CHRM3: variants seen among roughly 807,000 people sequenced by gnomAD.
CHRM3 encodes the protein muscarinic acetylcholine receptor M3.
Under a neutral mutation model 41.8 loss-of-function variants are expected in CHRM3, and 11 were observed. That is an observed-to-expected ratio of 0.26 (90% confidence interval 0.17 to 0.44). The LOEUF (loss-of-function observed/expected upper bound fraction) is 0.44, where lower values mean the gene tolerates loss of function less well. Among genes scored for constraint, CHRM3 ranks in the 20% least tolerant of loss-of-function variants. The pLI, the probability that CHRM3 is intolerant of heterozygous loss-of-function variation, is 1.00. For synonymous variants in CHRM3, 297 were observed against 301.4 expected (o/e 0.99, Z 0.15); for missense variants, 571 against 745.4 (o/e 0.77, Z 2.72).
At chr1:239,543,259 C>A (rs1558305164) in intron 2 of CHRM3, among the ~76,000 whole-genome samples, 1 of 152,276 alleles carries the variant, frequency 6.6e-6, no homozygotes, top group East Asian at 1.9e-4. Context: ...GTGGGCCCGA[C>A]ATGAAGTGTG....
chr1:239,717,040 T>C (rs897966153), intron 5 of CHRM3, among the ~76,000 whole-genome samples: 1 of 124,942 alleles, frequency 8.0e-6, no homozygotes, highest in Non-Finnish European at 1.9e-5. Context: ...TCTCAATCAC[T>C]TCCAGTTTTT....
At chr1:239,392,816 G>A (rs575350920) in intron 1 of CHRM3, among the ~76,000 whole-genome samples, 25 of 152,270 alleles carry the variant, frequency 1.6e-4, no homozygotes, top group African/African-American at 6.0e-4. Context: ...TTTAAGACTT[G>A]TCACTTTGGA....
intron 5 of CHRM3, among the ~76,000 whole-genome samples, chr1:239,771,644 G>A (rs1558107448): frequency 6.6e-6 from 1 of 152,164 alleles, no homozygotes. Context: ...CTGTATAGGG[G>A]CAGATAGTAT....
chr1:239,888,430 A>G (rs1429013522), intron 6 of CHRM3, among the ~76,000 whole-genome samples: 1 of 151,890 alleles, frequency 6.6e-6, no homozygotes, highest in Non-Finnish European at 1.5e-5. Context: ...GTCACTCAAA[A>G]AACATTTTTA....
chr1:239,804,413 C>T (rs661244), intron 5 of CHRM3, among the ~76,000 whole-genome samples: 146,328 of 152,024 alleles, frequency 0.96, 70,691 homozygotes, highest in East Asian at 1. Flanking sequence ...AGAACTGTGG[C>T]AGGGTTTTGT....
chr1:239,619,206 C>A (rs912663134), intron 3 of CHRM3, among the ~76,000 whole-genome samples: 1 of 152,036 alleles, frequency 6.6e-6, no homozygotes, highest in African/African-American at 2.4e-5. Flanking sequence ...TGAGCCACTG[C>A]GCCTGACCTC....
At chr1:239,533,498 G>T (rs1657865481) in intron 2 of CHRM3, among the ~76,000 whole-genome samples, 1 of 151,726 alleles carries the variant, frequency 6.6e-6, no homozygotes, top group Non-Finnish European at 1.5e-5. Flanking sequence ...CGCTTTGGGA[G>T]GCCGAGATGG....
intron 6 of CHRM3, among the ~76,000 whole-genome samples, chr1:239,897,553 A>G (rs1383521685): frequency 6.6e-6 from 1 of 152,250 alleles, no homozygotes; most frequent in African/African-American, 2.4e-5. Flanking sequence ...AAAAACACAT[A>G]ATAATAAATA....
chr1:239,427,401 CTG>C (rs1423607689), intron 1 of CHRM3, among the ~76,000 whole-genome samples: 1 of 152,070 alleles, frequency 6.6e-6, no homozygotes, highest in East Asian at 1.9e-4. Context: ...GGAGCTAAAT[CTG>C]TGAGTGTGGT....
rs544825783 is a variant in CHRM3, at chr1:239,814,937, G to C, written c.-146-12315G>C. On this transcript the variant is annotated intron_variant, in intron 5 of 6. Coordinates refer to ENST00000676153, the MANE Select transcript of CHRM3 (RefSeq NM_001375978.1). ...ATTACAGGCACACGCCACCATGCCT[G>C]GCTAATTTTTATATTTTTAGTAGAG... Among the ~76,000 whole-genome samples, 66 of 152,096 alleles carry C rather than the reference G, an allele frequency of 4.3e-4. No individual in the cohort carries two copies. In the South Asian group the frequency reaches 0.013, roughly 30 times the overall value.
At chr1:239,837,510 A>AT (rs531247824) in intron 6 of CHRM3, among the ~76,000 whole-genome samples, 77 of 152,280 alleles carry the variant, frequency 5.1e-4, no homozygotes, top group African/African-American at 1.6e-3. Context: ...CCTGACAGAC[A>AT]TTTTGCAACC....
intron 3 of CHRM3, among the ~76,000 whole-genome samples, chr1:239,600,866 C>T (rs963779569): frequency 1.3e-4 from 19 of 151,754 alleles, no homozygotes; most frequent in African/African-American, 4.6e-4. Context: ...ATTCATTCCT[C>T]ATTTCTCTCT....
At chr1:239,829,240 G>A (rs1246852291) in intron 6 of CHRM3, among the ~76,000 whole-genome samples, 2 of 151,976 alleles carry the variant, frequency 1.3e-5, no homozygotes, top group Admixed American at 1.3e-4. Flanking sequence ...TCTGAGCTTC[G>A]GTTTCCTCAA....
intron 4 of CHRM3, among the ~76,000 whole-genome samples, chr1:239,677,642 G>A (rs981492237): frequency 7.2e-5 from 11 of 152,128 alleles, no homozygotes; most frequent in South Asian, 2.1e-4. Flanking sequence ...CACAGTCAAC[G>A]TTTTGTACAG....
chr1:239,804,871 C>T (rs1670508813), intron 5 of CHRM3, among the ~76,000 whole-genome samples: 3 of 152,138 alleles, frequency 2.0e-5, no homozygotes, highest in Admixed American at 2.0e-4. Flanking sequence ...TGTCTTGTGC[C>T]AGCTCTTTTC....
At chr1:239,410,199 A>ATT (rs201270252) in intron 1 of CHRM3, among the ~76,000 whole-genome samples, 1 of 152,054 alleles carries the variant, frequency 6.6e-6, no homozygotes, top group African/African-American at 2.4e-5. Flanking sequence ...ATTCTTCTAA[A>ATT]TTTTTATCAA....
At chr1:239,619,842 G>C (rs1472600005) in intron 3 of CHRM3, among the ~76,000 whole-genome samples, 1 of 152,054 alleles carries the variant, frequency 6.6e-6, no homozygotes, top group East Asian at 1.9e-4. Context: ...TTCAGGGTGG[G>C]GGTGGAGGGA....
chr1:239,707,839 T>C lies in CHRM3; in HGVS notation c.-147+29551T>C, dbSNP rs192360362. On this transcript the variant is annotated intron_variant, in intron 5 of 6. Transcript: ENST00000676153. The stretch of plus-strand genomic sequence containing the variant: ...CTCTGTAGCTAAACTTAAGCATGGA[T>C]TGAAAATAAACATACCTTGAGATAA... The C allele has an allele frequency of 1.1e-4, 17 of 152,314 alleles. No individual in the cohort carries two copies. The East Asian group carries it at 3.3e-3, about 29-fold the overall frequency. The allele number at this position is 152,314 out of a possible 1,614,324, so 9.4% of individuals were successfully genotyped here. A position where few individuals can be genotyped will look rare whatever the true frequency, so the allele number is the denominator to read the frequency against.
rs190247798 is a variant in CHRM3, at chr1:239,795,690, G to A, written c.-146-31562G>A. On this transcript the variant is annotated intron_variant, in intron 5 of 6. Coordinates refer to ENST00000676153, the MANE Select transcript of CHRM3 (RefSeq NM_001375978.1). ...GATCTATGATAATGTAATTCTTAAT[G>A]GATGTACTGTCACCTCAAAATTAGG... is the stretch of plus-strand genomic sequence containing the variant. 4.6e-5 allele frequency among the ~76,000 whole-genome samples: 7 copies of A among 152,224 alleles called. No individual in the cohort carries two copies. In the East Asian group the frequency reaches 1.4e-3, roughly 29 times the overall value.
Sources: gnomAD v4.1 joint callset for allele counts (sites outside exome capture counted in the v4.1 genomes callset) on GRCh38, gnomAD v4.1.1 for gene constraint, MANE v1.5 for transcripts, NCBI Gene and HGNC (gene_info 2026-07-23, HGNC 2026-07-21) for gene names.